The following STPG2 variants were observed in gnomAD, a reference collection of about 807,000 sequenced individuals.
STPG2 encodes sperm-tail PG-rich repeat-containing protein 2.
STPG2 carries 56 observed loss-of-function variants against 54.2 expected under a neutral mutation model. That is an observed-to-expected ratio of 1.03 (90% confidence interval 0.83 to 1.29). The LOEUF (loss-of-function observed/expected upper bound fraction) is 1.29. Ranked by LOEUF, STPG2 falls within the 50% of genes most tolerant of loss-of-function variation. The pLI is 0.00. For synonymous variants in STPG2, 200 were observed against 181.8 expected (o/e 1.10, Z -0.81); for missense variants, 596 against 544.9 (o/e 1.09, Z -0.93).
At chr4:97,595,493 A>C (rs1733264471) in intron 10 of STPG2, among the ~76,000 whole-genome samples, 1 of 152,128 alleles carries the variant, frequency 6.6e-6, no homozygotes, top group African/African-American at 2.4e-5. Flanking sequence ...AGATATACCT[A>C]ATGTAAATGA....
chr4:97,526,121 T>C (rs1731275169), intron 4 of STPG2, among the ~76,000 whole-genome samples: 1 of 152,116 alleles, frequency 6.6e-6, no homozygotes, highest in Non-Finnish European at 1.5e-5. Flanking sequence ...CCTCTAATAA[T>C]ATACTTCATG....
intron 9 of STPG2, among the ~76,000 whole-genome samples, chr4:97,793,438 A>G (rs888278849): frequency 7.2e-5 from 11 of 151,918 alleles, no homozygotes; most frequent in African/African-American, 2.7e-4. Context: ...TTAAAGTTAC[A>G]TATGCATATA....
At chr4:97,499,714 T>C (rs967471543) in intron 4 of STPG2, among the ~76,000 whole-genome samples, 4 of 151,674 alleles carry the variant, frequency 2.6e-5, no homozygotes, top group Admixed American at 2.6e-4. Flanking sequence ...TGGGAGAAGG[T>C]GGCAAATGAA....
chr4:97,979,263 T>C (rs981193891), intron 6 of STPG2, among the ~76,000 whole-genome samples: 15 of 41,632 alleles, frequency 3.6e-4, no homozygotes, highest in Admixed American at 3.4e-3. Flanking sequence ...GAAAAAAGGA[T>C]GACTCAGCAG....
At chr4:97,738,815 T>A (rs1725115766) in intron 9 of STPG2, among the ~76,000 whole-genome samples, 1 of 151,888 alleles carries the variant, frequency 6.6e-6, no homozygotes, top group Non-Finnish European at 1.5e-5. Flanking sequence ...AGACAGAAAG[T>A]CAACAAGGAT....
chr4:98,103,644 A>AAAAATAAAAT (rs138971893), intron 5 of STPG2, among the ~76,000 whole-genome samples: 139 of 149,094 alleles, frequency 9.3e-4, no homozygotes, highest in Middle Eastern at 3.4e-3. Flanking sequence ...TCCATCTCAA[A>AAAAATAAAAT]AAAATAAAAT....
At chr4:97,757,556 T>G (rs891649605) in intron 9 of STPG2, among the ~76,000 whole-genome samples, 6 of 152,184 alleles carry the variant, frequency 3.9e-5, no homozygotes, top group Admixed American at 3.3e-4. Context: ...AATTAACACT[T>G]TCTATTTTTA....
chr4:97,996,538 T>C (rs1299591978), intron 5 of STPG2, among the ~76,000 whole-genome samples: 2 of 152,306 alleles, frequency 1.3e-5, no homozygotes, highest in Non-Finnish European at 1.5e-5. Context: ...CTTTTGGACA[T>C]AGGACTTGGC....
intron 9 of STPG2, among the ~76,000 whole-genome samples, chr4:97,749,052 TG>T (rs1725502222): frequency 6.6e-6 from 1 of 151,620 alleles, no homozygotes; most frequent in Non-Finnish European, 1.5e-5. Flanking sequence ...ATAAAGCAGA[TG>T]TTCCCAATCA....
chr4:97,463,748 C>A (rs2148810125), intron 4 of STPG2, among the ~76,000 whole-genome samples: 1 of 152,308 alleles, frequency 6.6e-6, no homozygotes, highest in South Asian at 2.1e-4. Context: ...CTATACTCGG[C>A]CTCTCCTATT....
At chr4:98,046,300 T>G (rs1441093416) in intron 5 of STPG2, among the ~76,000 whole-genome samples, 1 of 152,220 alleles carries the variant, frequency 6.6e-6, no homozygotes, top group African/African-American at 2.4e-5. Context: ...TTTGGATTCT[T>G]TGTTAGATAA....
chr4:98,007,777 A>G (rs1459414719), intron 5 of STPG2, among the ~76,000 whole-genome samples: 1 of 152,042 alleles, frequency 6.6e-6, no homozygotes, highest in Non-Finnish European at 1.5e-5. Context: ...AAGGAAAAAA[A>G]AATAAAACTT....
intron 2 of STPG2, among the ~76,000 whole-genome samples, chr4:98,130,159 C>T (rs1008094698): frequency 1.3e-5 from 2 of 151,200 alleles, no homozygotes; most frequent in African/African-American, 4.9e-5. Context: ...CGTGCCCAGT[C>T]GTTTTTCTTT....
chr4:97,461,210 T>C (rs910818932), intron 4 of STPG2, among the ~76,000 whole-genome samples: 2 of 152,334 alleles, frequency 1.3e-5, no homozygotes, highest in Admixed American at 6.5e-5. Flanking sequence ...GAGAGTTTCA[T>C]TTTTCTCCAC....
intron 10 of STPG2, among the ~76,000 whole-genome samples, chr4:97,678,356 C>A (rs1408720540): frequency 6.7e-6 from 1 of 150,192 alleles, no homozygotes; most frequent in Non-Finnish European, 1.5e-5. Flanking sequence ...AAAATTAGCA[C>A]ACAAAACATT....
chr4:97,949,249 T>C (rs1733368931), intron 7 of STPG2, among the ~76,000 whole-genome samples: 1 of 152,154 alleles, frequency 6.6e-6, no homozygotes, highest in Non-Finnish European at 1.5e-5. Flanking sequence ...CTGGTCACTT[T>C]GGGTTTCCAT....
chr4:97,602,464 A>AC (rs1733489022), intron 10 of STPG2, among the ~76,000 whole-genome samples: 1 of 151,802 alleles, frequency 6.6e-6, no homozygotes, highest in South Asian at 2.1e-4. Context: ...TTTGTTAAGT[A>AC]GAAGTAAAAA....
At chr4:97,558,364 C>G (rs1732131893), downstream of STPG2, among the ~76,000 whole-genome samples, 2 of 152,158 alleles carry the variant, frequency 1.3e-5, no homozygotes, top group African/African-American at 2.4e-5. Flanking sequence ...GTATTTACAA[C>G]CTTCCCCTCC....
Position 97,616,050 on chromosome 4 carries a change from ACAT to A in STPG2, c.1321-56936_1321-56934del, listed in dbSNP as rs1560686780. Among the ~76,000 whole-genome samples, 238 of 80,616 alleles carry A rather than the reference ACAT, an allele frequency of 3.0e-3. 2 individuals carry two copies. The highest frequency in any genetic ancestry group is 0.011 in the African/African-American group (224 of 19,714). 52.9% of individuals were successfully genotyped at this position (80,616 alleles called of 152,430 possible). ...AGACTCTGTCTCAAAAAAAAAAAATACATATAAATATATATATATATATATATA... is the reference window on the plus strand; with the variant it reads ...AGACTCTGTCTCAAAAAAAAAAAATAATAAATATATATATATATATATATA... On this transcript the variant is annotated intron_variant, in intron 10 of 10. Coordinates refer to ENST00000295268, the MANE Select transcript of STPG2 (RefSeq NM_174952.3).
Sources: gnomAD v4.1 joint callset for allele counts (sites outside exome capture counted in the v4.1 genomes callset) on GRCh38, gnomAD v4.1.1 for gene constraint, MANE v1.5 for transcripts, NCBI Gene and HGNC (gene_info 2026-07-23, HGNC 2026-07-21) for gene names.